CFAP91: variants seen among roughly 807,000 people sequenced by gnomAD.
The protein encoded by CFAP91 is cilia and flagella associated protein 91, also known as cilia- and flagella-associated protein 91.
Under a neutral mutation model 95.9 loss-of-function variants are expected in CFAP91, and 85 were observed. The ratio of observed to expected loss-of-function variants is 0.89; its 90% CI spans 0.74 to 1.06. The LOEUF (loss-of-function observed/expected upper bound fraction) is 1.06, where lower values mean the gene tolerates loss of function less well. Ranked by LOEUF, CFAP91 falls within the 50% of genes least tolerant of loss-of-function variation. The pLI, the probability that CFAP91 is intolerant of heterozygous loss-of-function variation, is 0.00. For synonymous variants in CFAP91, 335 were observed against 327.5 expected (o/e 1.02, Z -0.25); for missense variants, 962 against 943.4 (o/e 1.02, Z -0.26).
rs1559761130 is a variant in CFAP91 at position 119,738,330 on chromosome 3, G to GTTTT, written c.1461+849_1461+850insTTTT. On this transcript the variant is annotated intron_variant, in intron 11 of 17. Coordinates refer to ENST00000273390, the MANE Select transcript of CFAP91 (RefSeq NM_033364.4). The stretch of plus-strand genomic sequence containing the variant: ...TGTGCAGGGCTTTGGTTGACATATT[G>GTTTT]TCTTTTTTTTTTTTTTTTTTTTTTT... 3.3e-3 allele frequency among the ~76,000 whole-genome samples: 79 copies of GTTTT among 23,730 alleles called. 1 individual carries two copies. Among genetic ancestry groups the GTTTT allele is most frequent in the Non-Finnish European group, 8.0e-3 (66 of 8,208 alleles). The allele number at this position is 23,730 out of a possible 152,430, so 15.6% of individuals were successfully genotyped here. A position where few individuals can be genotyped will look rare whatever the true frequency, so the allele number is the denominator to read the frequency against.
At chr3:119,708,977 C>A (rs925941195) in intron 4 of CFAP91, among the ~76,000 whole-genome samples, 1 of 152,108 alleles carries the variant, frequency 6.6e-6, no homozygotes, top group Non-Finnish European at 1.5e-5. Flanking sequence ...ATACTGATTG[C>A]AACTAAGAAT....
chr3:119,722,490 T>C (rs1370050737), intron 6 of CFAP91, among the ~76,000 whole-genome samples: 1 of 151,952 alleles, frequency 6.6e-6, no homozygotes, highest in African/African-American at 2.4e-5. Flanking sequence ...AAAAATTACA[T>C]TCATTTATTT....
At position 119,732,439 on chromosome 3, in the gene CFAP91, C is replaced by T. The variant is rs761293640; in HGVS notation, c.1164C>T (p.Asp388=). Residue 388 remains aspartate (D), a synonymous_variant, in exon 9 of 18, where the codon GAC becomes GAT. Transcript: ENST00000273390. ...GTTTCCCAGACAACAACTCAGAGGA[C>T]TTTGTAGTAAAAAACTACTATCTCA... ...LGCFPDNNSE[D]FVVKNYYLNT... 3.5e-5 allele frequency: 56 copies of T among 1,607,358 alleles called. No homozygotes were observed. Among genetic ancestry groups the T allele is most frequent in the Non-Finnish European group, 4.4e-5 (52 of 1,178,062 alleles).
intron 6 of CFAP91, among the ~76,000 whole-genome samples, chr3:119,719,576 A>G (rs1291584951): frequency 6.6e-6 from 1 of 152,232 alleles, no homozygotes; most frequent in Non-Finnish European, 1.5e-5. Context: ...AATAAAGTTG[A>G]AACAAATAGT....
At chr3:119,722,016 A>G (rs1381030127) in intron 6 of CFAP91, among the ~76,000 whole-genome samples, 1 of 151,914 alleles carries the variant, frequency 6.6e-6, no homozygotes. Context: ...ATTTCTACAA[A>G]AGAAAAATTA....
chr3:119,742,772 G>GGGT (rs1490085527), intron 13 of CFAP91, among the ~76,000 whole-genome samples: 5 of 152,150 alleles, frequency 3.3e-5, no homozygotes, highest in African/African-American at 9.7e-5. Context: ...GGATGAAGAT[G>GGGT]GGTGGTGTTG....
chr3:119,744,395 T>C (rs1198637498), intron 14 of CFAP91, among the ~76,000 whole-genome samples, 199 bp downstream of exon 14: 15 of 152,186 alleles, frequency 9.9e-5, no homozygotes, highest in Admixed American at 9.8e-4. Flanking sequence ...AAAGCTTAAA[T>C]AACACATAAT....
intron 7 of CFAP91, 58 bp from the exon 8 acceptor site, chr3:119,730,162 C>G (rs1324283415): frequency 6.5e-7 from 1 of 1,543,450 alleles, no homozygotes; most frequent in African/African-American, 1.4e-5. Context: ...GGCAGCTGTT[C>G]CCTTGCCCTC....
intron 17 of CFAP91, among the ~76,000 whole-genome samples, chr3:119,753,570 G>A (rs190838798): frequency 5.9e-5 from 9 of 152,308 alleles, no homozygotes; most frequent in East Asian, 1.9e-4. Context: ...ATTCAGGTAC[G>A]TGAGGAGACA....
At position 119,715,635 on chromosome 3, in the gene CFAP91, C is replaced by T. The variant is rs1260134540; in HGVS notation, c.574C>T (p.Gln192Ter). 1.9e-6 allele frequency: 3 copies of T among 1,613,542 alleles called. No individual in the cohort carries two copies. Among genetic ancestry groups the T allele is most frequent in the East Asian group, 2.2e-5 (1 of 44,884 alleles). ...CCCTTCAAAGTCTACTGTGGGCACT[C>T]AGACTGATTATCGGGATGCTGACGT... ...SIPSKSTVGT[Q>*]TDYRDADVQT... The change falls in exon 6 of 18, where the codon CAG becomes TAG. Residue 192 changes from glutamine (Q) to a stop codon, truncating the protein, a stop_gained. Coordinates refer to ENST00000273390, the MANE Select transcript of CFAP91 (RefSeq NM_033364.4). LOFTEE classifies it high-confidence loss of function.
chr3:119,726,059 C>A, intron 6 of CFAP91, 112 bp from the exon 7 acceptor site: 1 of 866,556 alleles, frequency 1.2e-6, no homozygotes, highest in Non-Finnish European at 1.7e-6. Flanking sequence ...GTTATGCTGT[C>A]ATGGCCCTTG....
intron 11 of CFAP91, among the ~76,000 whole-genome samples, chr3:119,737,764 A>C (rs2054038690): frequency 6.6e-6 from 1 of 152,262 alleles, no homozygotes; most frequent in Non-Finnish European, 1.5e-5. Context: ...ATGAAATAGA[A>C]AAAGAAGATT....
At chr3:119,707,336 T>C (rs1379862300) in intron 2 of CFAP91, 68 bp from the exon 3 acceptor site, 2 of 1,171,610 alleles carry the variant, frequency 1.7e-6, no homozygotes, top group Admixed American at 4.6e-5. Context: ...GAGTTTACAA[T>C]GTAATTAAAA....
intron 5 of CFAP91, 179 bp from the exon 6 acceptor site, chr3:119,715,383 A>T: frequency 1.4e-6 from 1 of 713,048 alleles, no homozygotes; most frequent in Non-Finnish European, 2.5e-6. Context: ...ATAACAAGGC[A>T]ATTCTCTCAA....
chr3:119,709,690 A>T, intron 4 of CFAP91, 149 bp from the exon 5 acceptor site: 1 of 653,744 alleles, frequency 1.5e-6, no homozygotes, highest in Non-Finnish European at 2.7e-6. Flanking sequence ...CCCTGCAGTG[A>T]TTTTTTATGT....
At chr3:119,739,098 A>G (rs1244110959) in intron 11 of CFAP91, among the ~76,000 whole-genome samples, 157 bp from the exon 12 acceptor site, 3 of 152,202 alleles carry the variant, frequency 2.0e-5, no homozygotes, top group African/African-American at 2.4e-5. Flanking sequence ...TTAAAATACT[A>G]TATGTTCAAT....
At chr3:119,721,604 G>C (rs907023790) in intron 6 of CFAP91, among the ~76,000 whole-genome samples, 3 of 152,284 alleles carry the variant, frequency 2.0e-5, no homozygotes, top group East Asian at 3.9e-4. Flanking sequence ...ATAGCTGATA[G>C]GCTGGCATGG....
intron 1 of CFAP91, among the ~76,000 whole-genome samples, chr3:119,705,180 A>G (rs2053334903): frequency 6.6e-6 from 1 of 152,220 alleles, no homozygotes; most frequent in Non-Finnish European, 1.5e-5. Context: ...AATTAGCCCT[A>G]AAGCTCACCA....
At chr3:119,751,230 T>C in intron 17 of CFAP91, 132 bp downstream of exon 17, 1 of 1,003,892 alleles carries the variant, frequency 1.0e-6, no homozygotes, top group Non-Finnish European at 1.4e-6. Context: ...CCACTTAAAT[T>C]GGCACATTTC....
Sources: gnomAD v4.1 joint callset for allele counts (sites outside exome capture counted in the v4.1 genomes callset) on GRCh38, gnomAD v4.1.1 for gene constraint, MANE v1.5 for transcripts, NCBI Gene and HGNC (gene_info 2026-07-23, HGNC 2026-07-21) for gene names.